Variants in PPP4R1 observed in about 807,000 individuals in gnomAD.
The protein encoded by PPP4R1 is protein phosphatase 4 regulatory subunit 1.
A neutral mutation model predicts 111.2 loss-of-function variants in PPP4R1; 42 were observed. The ratio of observed to expected loss-of-function variants is 0.38; its 90% CI spans 0.29 to 0.49. The LOEUF is 0.49. Ranked by LOEUF, PPP4R1 falls within the 20% of genes least tolerant of loss-of-function variation. The pLI, the probability that PPP4R1 is intolerant of heterozygous loss-of-function variation, is 0.97. For synonymous variants in PPP4R1, 409 were observed against 405.5 expected (o/e 1.01, Z -0.10); for missense variants, 1,012 against 1,161.6 (o/e 0.87, Z 1.87).
chr18:9,555,621 C>A (rs892080331), intron 15 of PPP4R1, among the ~76,000 whole-genome samples: 1 of 152,118 alleles, frequency 6.6e-6, no homozygotes, highest in African/African-American at 2.4e-5. Context: ...ACAACCTACA[C>A]AGGTTAACAT....
chr18:9,564,682 C>G, intron 11 of PPP4R1, among the ~76,000 whole-genome samples: 1 of 142,768 alleles, frequency 7.0e-6, no homozygotes, highest in Non-Finnish European at 1.5e-5. Context: ...ATGTTTTGTC[C>G]CATATAAAGT....
intron 2 of PPP4R1, among the ~76,000 whole-genome samples, chr18:9,611,427 C>G (rs879803746): frequency 4.6e-5 from 7 of 152,132 alleles, no homozygotes; most frequent in Non-Finnish European, 7.4e-5. Flanking sequence ...TGTCTCAGTC[C>G]TTTACCAACC....
At chr18:9,550,450 GAAAATAGGTTACCCATTT>G in intron 16 of PPP4R1, 52 bp from the exon 17 acceptor site, 1 of 1,526,458 alleles carries the variant, frequency 6.6e-7, no homozygotes, top group Non-Finnish European at 8.9e-7. Context: ...CGAGACAAAT[GAAAATAGGTTACCCATTT>G]AAATCATCTG....
chr18:9,547,947 A>T lies in PPP4R1; in HGVS notation c.2695T>A (p.Phe899Ile), dbSNP rs1306449364. Residue 899 changes from phenylalanine (F) to isoleucine (I), a missense_variant, in exon 20 of 20, where the codon TTC becomes ATC. This residue lies in a region of PPP4R1 where 305 missense variants were observed against 419.5 expected (regional missense o/e 0.73). Coordinates refer to ENST00000400556, the MANE Select transcript of PPP4R1 (RefSeq NM_001042388.3). ...LRQTLLEKDY[F>I]LASASCHQEA... is the part of the protein sequence containing the mutation. ...TGGTGGCAGCTGGCAGAGGCCAAGA[A>T]ATAGTCTGGAAATGACATGTGCATA... 3.1e-6 allele frequency: 5 copies of T among 1,613,860 alleles called. No homozygotes were observed. Among genetic ancestry groups the T allele is most frequent in the Non-Finnish European group, 4.2e-6 (5 of 1,180,038 alleles).
intron 9 of PPP4R1, 119 bp from the exon 10 acceptor site, chr18:9,577,310 G>C: frequency 8.7e-7 from 1 of 1,143,840 alleles, no homozygotes; most frequent in Non-Finnish European, 1.2e-6. Context: ...GGATAATAAT[G>C]AAGCTTTTCT....
intron 6 of PPP4R1, among the ~76,000 whole-genome samples, chr18:9,587,034 TGTAC>T (rs2067127952): frequency 6.6e-6 from 1 of 152,182 alleles, no homozygotes; most frequent in Non-Finnish European, 1.5e-5. Context: ...TCCTGGGAAA[TGTAC>T]TTGCCTGACC....
intron 2 of PPP4R1, among the ~76,000 whole-genome samples, chr18:9,602,750 G>A (rs1035542062): frequency 6.6e-6 from 1 of 151,194 alleles, no homozygotes; most frequent in African/African-American, 2.5e-5. Context: ...CAAACCAGGA[G>A]AAGGAAGTTG....
intron 19 of PPP4R1, among the ~76,000 whole-genome samples, chr18:9,548,413 G>GT: frequency 6.6e-6 from 1 of 151,978 alleles, no homozygotes; most frequent in South Asian, 2.1e-4. Context: ...AGGCGGCGGG[G>GT]GGGTCGATTA....
intron 2 of PPP4R1, among the ~76,000 whole-genome samples, chr18:9,602,172 TAGC>T (rs1340052205): frequency 6.6e-6 from 1 of 152,052 alleles, no homozygotes; most frequent in South Asian, 2.1e-4. Flanking sequence ...AAATCCAAAG[TAGC>T]AGAAGAGAAA....
At chr18:9,569,505 G>A (rs2066825409) in intron 11 of PPP4R1, among the ~76,000 whole-genome samples, 2 of 152,092 alleles carry the variant, frequency 1.3e-5, no homozygotes, top group South Asian at 4.1e-4. Context: ...AAATAGTTAA[G>A]GCAGAGCCCA....
At chr18:9,607,915 T>C (rs1479132733) in intron 2 of PPP4R1, among the ~76,000 whole-genome samples, 2 of 151,718 alleles carry the variant, frequency 1.3e-5, no homozygotes, top group Non-Finnish European at 2.9e-5. Flanking sequence ...CCCGAGTAGC[T>C]AGGATTACAG....
At chr18:9,589,341 A>G (rs909011724) in intron 4 of PPP4R1, among the ~76,000 whole-genome samples, 1 of 152,262 alleles carries the variant, frequency 6.6e-6, no homozygotes, top group African/African-American at 2.4e-5. Flanking sequence ...TGAAAATTAA[A>G]GATGACAAAT....
chr18:9,553,269 GAAGT>G, intron 16 of PPP4R1, 49 bp downstream of exon 16: 3 of 1,331,204 alleles, frequency 2.3e-6, no homozygotes, highest in Non-Finnish European at 2.1e-6. Flanking sequence ...ATGTAAAAAT[GAAGT>G]AAATATATAC....
At chr18:9,584,078 C>A (rs932364731) in intron 8 of PPP4R1, among the ~76,000 whole-genome samples, 3 of 152,126 alleles carry the variant, frequency 2.0e-5, no homozygotes, top group Non-Finnish European at 2.9e-5. Flanking sequence ...CAAGAGCTTG[C>A]CCCTGAACTT....
intron 11 of PPP4R1, among the ~76,000 whole-genome samples, chr18:9,566,932 C>T (rs895560885): frequency 6.6e-6 from 1 of 152,152 alleles, no homozygotes; most frequent in Non-Finnish European, 1.5e-5. Flanking sequence ...CTGATAGAGG[C>T]GTATGAGGAG....
At chr18:9,605,624 G>A (rs1434816809) in intron 2 of PPP4R1, among the ~76,000 whole-genome samples, 1 of 136,700 alleles carries the variant, frequency 7.3e-6, no homozygotes, top group East Asian at 2.1e-4. Context: ...CAAATCATGA[G>A]GAAACAGATA....
intron 2 of PPP4R1, among the ~76,000 whole-genome samples, chr18:9,607,826 A>T (rs1353791255): frequency 7.5e-6 from 1 of 133,960 alleles, no homozygotes; most frequent in African/African-American, 2.9e-5. Context: ...CTCGTTGCCC[A>T]GGCTGGAGTG....
At chr18:9,592,773 G>C (rs536142136) in intron 4 of PPP4R1, among the ~76,000 whole-genome samples, 55 of 150,986 alleles carry the variant, frequency 3.6e-4, no homozygotes, top group African/African-American at 1.3e-3. Context: ...AACCATAATA[G>C]GCTATAACAG....
chr18:9,614,459 A>G lies in PPP4R1; in HGVS notation c.7+19T>C. The G allele has an allele frequency of 9.7e-7, 1 of 1,026,448 alleles. No individual in the cohort carries two copies. Among genetic ancestry groups the G allele is most frequent in the Non-Finnish European group, 1.2e-6 (1 of 858,126 alleles). The allele number at this position is 1,026,448 out of a possible 1,614,324, so 63.6% of individuals were successfully genotyped here. The stretch of plus-strand genomic sequence containing the variant: ...GGCTCGAGGAGCCGCCGCCGCCCGG[A>G]GAACAGGGGGCCACGTACCCGCCAT... On this transcript the variant is annotated intron_variant, in intron 1 of 19. Transcript: ENST00000400556. This position sits in a 1 kb window ranked among gnomAD's most constrained non-coding sequence, Gnocchi z 4.1.
Sources: allele counts gnomAD v4.1 joint callset (sites outside exome capture counted in the v4.1 genomes callset), GRCh38; gene constraint gnomAD v4.1.1; regional missense constraint gnomAD v4.1.1; non-coding constraint Gnocchi (gnomAD v3.1); transcripts MANE v1.5; gene names NCBI Gene and HGNC (gene_info 2026-07-23, HGNC 2026-07-21).